WDR72: variants seen among roughly 807,000 people sequenced by gnomAD.
WDR72 encodes the protein WD repeat-containing protein 72.
In WDR72, 120 loss-of-function variants were observed where a neutral mutation model predicts 124.2. The observed-to-expected ratio is 0.97, with a 90% CI of 0.83 to 1.12. The LOEUF (loss-of-function observed/expected upper bound fraction) is 1.12. Ranked by LOEUF, WDR72 falls within the 50% of genes most tolerant of loss-of-function variation. WDR72 has a pLI of 0.00. For synonymous variants in WDR72, 452 were observed against 441.7 expected (o/e 1.02, Z -0.29); for missense variants, 1,387 against 1,278.8 (o/e 1.08, Z -1.29).
intron 18 of WDR72, among the ~76,000 whole-genome samples, chr15:53,554,418 C>T (rs1010712713): frequency 6.6e-6 from 1 of 152,138 alleles, no homozygotes. Flanking sequence ...AATAGAAAGA[C>T]AAAATGGCAG....
chr15:53,762,250 T>C (rs2019074791), upstream of WDR72, among the ~76,000 whole-genome samples: 1 of 152,156 alleles, frequency 6.6e-6, no homozygotes, highest in African/African-American at 2.4e-5. Context: ...GCATGCAGTG[T>C]TTCCTACTAG....
intron 18 of WDR72, among the ~76,000 whole-genome samples, chr15:53,558,824 G>C (rs1187499994): frequency 6.6e-6 from 1 of 151,946 alleles, no homozygotes; most frequent in African/African-American, 2.4e-5. Flanking sequence ...CCTGCCTTTT[G>C]ATTTCATTTG....
At chr15:53,752,551 C>A (rs535989720) in intron 1 of WDR72, among the ~76,000 whole-genome samples, 7 of 152,280 alleles carry the variant, frequency 4.6e-5, no homozygotes, top group South Asian at 2.1e-4. Context: ...TGGGACAGAA[C>A]CTTCGTCTCA....
intron 18 of WDR72, among the ~76,000 whole-genome samples, chr15:53,544,726 C>T (rs1362955103): frequency 6.8e-6 from 1 of 147,500 alleles, no homozygotes; most frequent in African/African-American, 2.6e-5. Context: ...CAAATTGTCC[C>T]TGTTTGCAGA....
intron 18 of WDR72, among the ~76,000 whole-genome samples, chr15:53,555,418 T>C (rs1316805426): frequency 6.6e-6 from 1 of 151,618 alleles, no homozygotes; most frequent in Non-Finnish European, 1.5e-5. Flanking sequence ...AACCGGGAAA[T>C]GTAGGGGGAG....
chr15:53,588,614 A>G (rs1037362978), intron 18 of WDR72, among the ~76,000 whole-genome samples: 1 of 151,978 alleles, frequency 6.6e-6, no homozygotes, highest in African/African-American at 2.4e-5. Context: ...CACTGGGACA[A>G]ATGGATAATT....
Position 53,699,909 on chromosome 15 carries a change from C to G in WDR72, c.1606G>C (p.Asp536His), listed in dbSNP as rs776950766. The change falls in exon 13 of 20, where the codon GAC becomes CAC. Residue 536 changes from aspartate to histidine, a missense_variant. By Grantham distance (81) the Asp-to-His change is moderately conservative (BLOSUM62 -1). Transcript: ENST00000360509. The part of the protein sequence containing the change: ...GEQIICCVCG[D>H]HSVALLHLEG... The stretch of plus-strand genomic sequence containing the variant: ...AGGTGAAGGAGAGCCACGGAATGGT[C>G]ACCGCACACACAGCAAATTATCTGC... 8.1e-6 allele frequency: 13 copies of G among 1,614,000 alleles called. No homozygotes were observed. The highest frequency in any genetic ancestry group is 1.3e-5 in the African/African-American group (1 of 74,912).
At chr15:53,519,681 C>T (rs1358547868) in intron 19 of WDR72, among the ~76,000 whole-genome samples, 2 of 152,192 alleles carry the variant, frequency 1.3e-5, no homozygotes, top group East Asian at 3.9e-4. Context: ...TCTAAAGGTG[C>T]TTTGCCTACC....
intron 14 of WDR72, among the ~76,000 whole-genome samples, chr15:53,661,643 T>A (rs977612463): frequency 6.6e-6 from 1 of 152,074 alleles, no homozygotes; most frequent in African/African-American, 2.4e-5. Flanking sequence ...ACAAATAGAA[T>A]GAAAACCACA....
At chr15:53,587,986 T>A (rs1186674145) in intron 18 of WDR72, among the ~76,000 whole-genome samples, 2 of 152,028 alleles carry the variant, frequency 1.3e-5, no homozygotes, top group African/African-American at 4.8e-5. Flanking sequence ...AGCATTAATT[T>A]TTCCTGGTGG....
At chr15:53,597,010 C>G in intron 18 of WDR72, 69 bp downstream of exon 18, 1 of 1,476,216 alleles carries the variant, frequency 6.8e-7, no homozygotes, top group East Asian at 2.3e-5. Context: ...GTTGCACCAC[C>G]ATAAGTTGGA....
chr15:53,638,690 T>A (rs2014719702), intron 14 of WDR72, among the ~76,000 whole-genome samples: 1 of 151,442 alleles, frequency 6.6e-6, no homozygotes, highest in African/African-American at 2.4e-5. Context: ...AAGGTATTAT[T>A]TGTGCTCTGA....
intron 18 of WDR72, among the ~76,000 whole-genome samples, chr15:53,580,032 G>A (rs995280096): frequency 2.6e-5 from 4 of 151,984 alleles, no homozygotes; most frequent in African/African-American, 9.7e-5. Context: ...TACTACGGTA[G>A]GCTCTGCTAG....
chr15:53,705,823 AT>A, intron 10 of WDR72, 103 bp downstream of exon 10: 1 of 1,400,466 alleles, frequency 7.1e-7, no homozygotes, highest in Non-Finnish European at 1.0e-6. Flanking sequence ...TACACAATAA[AT>A]TTTTCTTGTT....
intron 13 of WDR72, among the ~76,000 whole-genome samples, chr15:53,685,799 G>A (rs2016600058): frequency 6.8e-6 from 1 of 147,412 alleles, no homozygotes; most frequent in Non-Finnish European, 1.5e-5. Flanking sequence ...AATGTTAAGG[G>A]CAGCCAGAGA....
chr15:53,621,310 A>C (rs1315753455), intron 14 of WDR72, among the ~76,000 whole-genome samples: 2 of 151,902 alleles, frequency 1.3e-5, no homozygotes, highest in East Asian at 3.9e-4. Flanking sequence ...CCAGAGGAAA[A>C]TAAGTCATTA....
chr15:53,684,932 AC>A (rs1036822715), intron 13 of WDR72, among the ~76,000 whole-genome samples: 23 of 151,824 alleles, frequency 1.5e-4, no homozygotes, highest in Non-Finnish European at 2.9e-4. Context: ...ACTGGGAGGC[AC>A]CCCCCTAGCA....
At chr15:53,682,581 C>T (rs1020899872) in intron 13 of WDR72, among the ~76,000 whole-genome samples, 2 of 152,062 alleles carry the variant, frequency 1.3e-5, no homozygotes, top group African/African-American at 4.8e-5. Context: ...TCCAGGTCAC[C>T]TCTTGAATGC....
chr15:53,587,056 G>A (rs1279073895), intron 18 of WDR72, among the ~76,000 whole-genome samples: 1 of 151,970 alleles, frequency 6.6e-6, no homozygotes, highest in Non-Finnish European at 1.5e-5. Flanking sequence ...AATGATTGTA[G>A]AGACACTTTA....
Sources: allele counts gnomAD v4.1 joint callset (sites outside exome capture counted in the v4.1 genomes callset), GRCh38; gene constraint gnomAD v4.1.1; transcripts MANE v1.5; gene names NCBI Gene and HGNC (gene_info 2026-07-23, HGNC 2026-07-21).